Variants in ANO10 observed in about 807,000 individuals in gnomAD.
The protein encoded by ANO10 is anoctamin 10.
A neutral mutation model predicts 74.7 loss-of-function variants in ANO10; 77 were observed. The ratio of observed to expected loss-of-function variants is 1.03; its 90% CI spans 0.86 to 1.25. ANO10 has a LOEUF of 1.25. ANO10 is among the 50% of genes most tolerant of loss of function. The pLI is 0.00. For missense variants in ANO10, 721 were observed against 778.1 expected, an observed-to-expected ratio of 0.93 and a Z score of 0.87; for synonymous variants, 279 against 284.9, an observed-to-expected ratio of 0.98 and a Z score of 0.21.
intron 11 of ANO10, among the ~76,000 whole-genome samples, chr3:43,443,333 T>A (rs1172124285): frequency 6.6e-6 from 1 of 152,112 alleles, no homozygotes; most frequent in African/African-American, 2.4e-5. Flanking sequence ...GGAGAAAAGA[T>A]GTGATATGGA....
At chr3:43,566,356 C>G (rs1286739985) in intron 7 of ANO10, among the ~76,000 whole-genome samples, 2 of 152,224 alleles carry the variant, frequency 1.3e-5, no homozygotes, top group Non-Finnish European at 2.9e-5. Flanking sequence ...GGCCTGCCTG[C>G]CTCTGTAGGC....
chr3:43,371,353 G>C (rs1053121999), intron 12 of ANO10, among the ~76,000 whole-genome samples: 12 of 152,264 alleles, frequency 7.9e-5, no homozygotes, highest in African/African-American at 2.9e-4. Context: ...TAGGAATGGA[G>C]TTCTCAGGCC....
At chr3:43,403,772 G>A (rs1219384040) in intron 12 of ANO10, among the ~76,000 whole-genome samples, 1 of 152,158 alleles carries the variant, frequency 6.6e-6, no homozygotes, top group Non-Finnish European at 1.5e-5. Context: ...GATTCCTACT[G>A]GAACATGTAA....
In ANO10 at chr3:43,598,671, A is replaced by G; in HGVS notation, c.338-5T>C. Reference sequence around the variant, plus strand: ...TCAGGAAATCATCATTGTTATCTAAAATAAAACAGAAATTACCAGATTTTA... The same window carrying G: ...TCAGGAAATCATCATTGTTATCTAAGATAAAACAGAAATTACCAGATTTTA... On this transcript the variant is annotated splice_region_variant and splice_polypyrimidine_tract_variant and intron_variant, in intron 3 of 12. Transcript: ENST00000292246. 6.3e-7 allele frequency: 1 copy of G among 1,592,932 alleles called. No individual in the cohort carries two copies.
At chr3:43,600,288 C>T (rs893551495) in intron 3 of ANO10, 96 bp downstream of exon 3, 2 of 1,357,188 alleles carry the variant, frequency 1.5e-6, no homozygotes, top group Admixed American at 3.4e-5. Flanking sequence ...ACTATTTGAC[C>T]CTTTACTGAA....
At chr3:43,563,389 A>G (rs562135451) in intron 8 of ANO10, among the ~76,000 whole-genome samples, 1 of 151,234 alleles carries the variant, frequency 6.6e-6, no homozygotes, top group East Asian at 2.0e-4. Context: ...AAATTGATAC[A>G]GACATTATAT....
intron 12 of ANO10, among the ~76,000 whole-genome samples, chr3:43,384,176 CA>C (rs539292803): frequency 0.027 from 3,712 of 139,048 alleles, 158 homozygotes; most frequent in African/African-American, 0.09. Context: ...AAAATAGCTT[CA>C]AAAAAAAAAA....
intron 12 of ANO10, among the ~76,000 whole-genome samples, chr3:43,402,765 C>T (rs2092506408): frequency 1.3e-5 from 2 of 152,200 alleles, no homozygotes; most frequent in Admixed American, 1.3e-4. Flanking sequence ...TCCCTTCAAG[C>T]TGATTTTTAA....
chr3:43,659,639 G>T (rs893611217), intron 1 of ANO10, among the ~76,000 whole-genome samples: 2 of 152,220 alleles, frequency 1.3e-5, no homozygotes, highest in African/African-American at 4.8e-5. Flanking sequence ...TTCCACCTAT[G>T]GGGGCAGGGC....
intron 1 of ANO10, among the ~76,000 whole-genome samples, chr3:43,650,027 A>G (rs1322250815): frequency 6.6e-6 from 1 of 152,214 alleles, no homozygotes; most frequent in Admixed American, 6.5e-5. Context: ...TAACAAGTTC[A>G]GTGGACCCTC....
At chr3:43,647,976 C>T (rs552906204) in intron 1 of ANO10, among the ~76,000 whole-genome samples, 1 of 152,298 alleles carries the variant, frequency 6.6e-6, no homozygotes, top group Non-Finnish European at 1.5e-5. Context: ...TCTACTTTGG[C>T]TGTCGTGCCC....
intron 11 of ANO10, among the ~76,000 whole-genome samples, chr3:43,545,386 T>G (rs536261203): frequency 2.5e-4 from 38 of 152,282 alleles, no homozygotes; most frequent in African/African-American, 6.3e-4. Context: ...TTGTTTGTTT[T>G]TTTTTTAGAC....
At chr3:43,623,756 T>C (rs1226775777), upstream of ANO10, among the ~76,000 whole-genome samples, 1 of 152,210 alleles carries the variant, frequency 6.6e-6, no homozygotes, top group Admixed American at 6.5e-5. Context: ...TTTCTAGTCC[T>C]CCGATGCTAT....
chr3:43,545,392 TAGAC>T (rs1161581788), intron 11 of ANO10, among the ~76,000 whole-genome samples: 1 of 152,132 alleles, frequency 6.6e-6, no homozygotes, highest in East Asian at 1.9e-4. Flanking sequence ...GTTTTTTTTT[TAGAC>T]AGAGTCTCTC....
rs147276736 is a variant in ANO10, at chr3:43,552,834, C to A, written c.1668+2444G>T. Among the ~76,000 whole-genome samples, 792 of 151,758 alleles carry A rather than the reference C, an allele frequency of 5.2e-3. 5 individuals are homozygous for A. Among genetic ancestry groups the A allele is most frequent in the African/African-American group, 0.017 (719 of 41,374 alleles). ...TTGAGATGGAGCTTTGCTCTTGTCA[C>A]CCAGGCTGGAGTGGAATGGCGCAAT... On this transcript the variant is annotated intron_variant, in intron 10 of 12. Coordinates refer to ENST00000292246, the MANE Select transcript of ANO10 (RefSeq NM_018075.5).
rs559944767 is a variant in ANO10 at position 43,381,111 on chromosome 3, G to A, written c.1915-14137C>T. Among the ~76,000 whole-genome samples, 53 of 152,124 alleles carry A rather than the reference G, an allele frequency of 3.5e-4. No homozygotes were observed. The South Asian group carries it at 6.7e-3, about 19-fold the overall frequency. On this transcript the variant is annotated intron_variant, in intron 12 of 12. Transcript: ENST00000292246. ...TGAGAAGAACAGCATGAGGGTAACCGCCCCCATGATTAAAACAGCTCCCAC... is the reference window on the plus strand; with the variant it reads ...TGAGAAGAACAGCATGAGGGTAACCACCCCCATGATTAAAACAGCTCCCAC...
At chr3:43,511,109 T>A (rs2077492378) in intron 11 of ANO10, among the ~76,000 whole-genome samples, 1 of 152,234 alleles carries the variant, frequency 6.6e-6, no homozygotes. Context: ...TGATTTCATT[T>A]TTAAAGACGA....
At chr3:43,586,586 C>T (rs2081491602) in intron 4 of ANO10, among the ~76,000 whole-genome samples, 1 of 151,874 alleles carries the variant, frequency 6.6e-6, no homozygotes, top group Non-Finnish European at 1.5e-5. Context: ...TGGCATCGAG[C>T]TATGCAAAAA....
rs1245539348 is a variant in ANO10, at chr3:43,535,162, T to C, written c.1797+14558A>G. ...CTAATTTTTGTATTTTTAGTAGAGA[T>C]AGGTTTTTGCCATGTTGGCCAGGCT... On this transcript the variant is annotated intron_variant, in intron 11 of 12. Transcript: ENST00000292246. Among the ~76,000 whole-genome samples the C allele has an allele frequency of 5.9e-5, 9 of 151,730 alleles. No individual in the cohort carries two copies. The East Asian group carries it at 1.7e-3, about 29-fold the overall frequency.
Sources: gnomAD v4.1 joint callset for allele counts (sites outside exome capture counted in the v4.1 genomes callset) on GRCh38, gnomAD v4.1.1 for gene constraint, MANE v1.5 for transcripts, NCBI Gene and HGNC (gene_info 2026-07-23, HGNC 2026-07-21) for gene names.